The following DNAAF11 variants were observed in gnomAD, a reference collection of about 807,000 sequenced individuals.
DNAAF11 encodes the protein dynein axonemal assembly factor 11.
Under a neutral mutation model 60.8 loss-of-function variants are expected in DNAAF11, and 45 were observed. That is an observed-to-expected ratio of 0.74 (90% CI 0.58 to 0.95). DNAAF11 has a LOEUF of 0.95. DNAAF11 is among the 40% of genes least tolerant of loss of function. The pLI is 0.00. For missense variants in DNAAF11, 546 were observed against 546.2 expected (o/e 1.00, Z 0.00); for synonymous variants, 191 against 183.5 (o/e 1.04, Z -0.33).
the DNAAF11 span, among the ~76,000 whole-genome samples, chr8:132,683,246 A>C: frequency 1.3e-5 from 2 of 152,214 alleles, no homozygotes; most frequent in Non-Finnish European, 2.9e-5. Context: ...CAATCTAATC[A>C]ATGACTTGTC....
intron 1 of DNAAF11, 39 bp from the exon 2 acceptor site, chr8:132,661,666 A>G (rs1283895373): frequency 5.7e-6 from 9 of 1,570,556 alleles, no homozygotes; most frequent in Non-Finnish European, 7.9e-6. Flanking sequence ...TTCTGTCCCC[A>G]TTGTTCAATA....
Position 132,675,526 on chromosome 8 carries a change from G to C in DNAAF11, c.-33C>G. 6.4e-7 allele frequency: 1 copy of C among 1,551,746 alleles called. No individual in the cohort carries two copies. Among genetic ancestry groups the C allele is most frequent in the Non-Finnish European group, 8.7e-7 (1 of 1,143,908 alleles). On this transcript the variant is annotated 5_prime_UTR_variant, in exon 1 of 12. Transcript: ENST00000620350. ...CTCCAGTTCGCTGACCCCGCAAGCCGGACCCGGACCTCGAATGACGCTTTT... is the reference window on the plus strand; with the variant it reads ...CTCCAGTTCGCTGACCCCGCAAGCCCGACCCGGACCTCGAATGACGCTTTT...
chr8:132,668,971 C>T (rs1466776751), intron 1 of DNAAF11, among the ~76,000 whole-genome samples: 1 of 152,264 alleles, frequency 6.6e-6, no homozygotes, highest in Non-Finnish European at 1.5e-5. Flanking sequence ...CTTTCCTTTC[C>T]TGGGAAAGTC....
intron 3 of DNAAF11, among the ~76,000 whole-genome samples, chr8:132,654,318 C>T (rs1823320769): frequency 1.3e-5 from 2 of 151,842 alleles, no homozygotes; most frequent in South Asian, 4.1e-4. Flanking sequence ...GACAATTCAA[C>T]AATAATACTT....
chr8:132,631,797 T>C (rs1359567375), intron 5 of DNAAF11, among the ~76,000 whole-genome samples: 1 of 151,808 alleles, frequency 6.6e-6, no homozygotes, highest in Non-Finnish European at 1.5e-5. Context: ...TTCTCACTCA[T>C]AGGTGGGAAT....
intron 10 of DNAAF11, among the ~76,000 whole-genome samples, chr8:132,588,965 T>C (rs547772320): frequency 1.3e-5 from 2 of 152,246 alleles, no homozygotes; most frequent in Non-Finnish European, 2.9e-5. Context: ...GGGATGCTGC[T>C]AAACCATTAG....
At chr8:132,672,073 G>T (rs1288538660) in intron 1 of DNAAF11, among the ~76,000 whole-genome samples, 1 of 152,134 alleles carries the variant, frequency 6.6e-6, no homozygotes, top group Non-Finnish European at 1.5e-5. Context: ...CATAGGTGGG[G>T]AGAAAATACT....
chr8:132,604,481 A>G (rs1051172680), intron 10 of DNAAF11, among the ~76,000 whole-genome samples: 2 of 152,174 alleles, frequency 1.3e-5, no homozygotes, highest in African/African-American at 4.8e-5. Context: ...GAAACACCCA[A>G]AGGAAATCAT....
intron 10 of DNAAF11, among the ~76,000 whole-genome samples, chr8:132,592,451 C>T (rs1440436152): frequency 6.6e-6 from 1 of 152,104 alleles, no homozygotes; most frequent in South Asian, 2.1e-4. Context: ...GTGAGTTGTT[C>T]TATATTCCTA....
At chr8:132,633,051 A>G (rs1820965198) in intron 4 of DNAAF11, 88 bp from the exon 5 acceptor site, 9 of 738,468 alleles carry the variant, frequency 1.2e-5, no homozygotes, top group Non-Finnish European at 1.6e-5. Flanking sequence ...AAATAATAAT[A>G]TACCCGATAG....
At chr8:132,602,473 A>G (rs1488264496) in intron 10 of DNAAF11, among the ~76,000 whole-genome samples, 2 of 152,122 alleles carry the variant, frequency 1.3e-5, no homozygotes, top group East Asian at 1.9e-4. Flanking sequence ...CTTCCCTTCC[A>G]GCATTCCCAT....
At chr8:132,692,203 G>T in the DNAAF11 span, among the ~76,000 whole-genome samples, 2 of 151,996 alleles carry the variant, frequency 1.3e-5, no homozygotes, top group African/African-American at 2.4e-5. Context: ...AACTGGGGTG[G>T]GGGGTAGAGA....
intron 3 of DNAAF11, among the ~76,000 whole-genome samples, chr8:132,640,505 A>G (rs1821748246): frequency 6.6e-6 from 1 of 152,052 alleles, no homozygotes; most frequent in Admixed American, 6.6e-5. Flanking sequence ...CCATTCCTCA[A>G]CACAGCTTCT....
chr8:132,678,749 A>G (rs1297817444), upstream of DNAAF11, among the ~76,000 whole-genome samples: 1 of 150,234 alleles, frequency 6.7e-6, no homozygotes, highest in Non-Finnish European at 1.5e-5. Context: ...AAATTTTTAT[A>G]TAAAAATAAA....
chr8:132,605,980 T>C (rs988135165), intron 10 of DNAAF11, among the ~76,000 whole-genome samples: 2 of 152,250 alleles, frequency 1.3e-5, no homozygotes, highest in Non-Finnish European at 1.5e-5. Context: ...GACTCTGCCT[T>C]TAACTCTGAA....
chr8:132,592,555 T>G (rs1406624977), intron 10 of DNAAF11, among the ~76,000 whole-genome samples: 7 of 152,114 alleles, frequency 4.6e-5, no homozygotes, highest in African/African-American at 1.7e-4. Context: ...GTTTTAGCAA[T>G]TAGGACTTTA....
intron 5 of DNAAF11, among the ~76,000 whole-genome samples, chr8:132,626,371 CTG>C (rs1397273950): frequency 1.3e-5 from 2 of 152,088 alleles, no homozygotes; most frequent in Non-Finnish European, 2.9e-5. Flanking sequence ...ATATTATGGC[CTG>C]TGTCTAGTTT....
chr8:132,673,543 G>A (rs774067937), intron 1 of DNAAF11, among the ~76,000 whole-genome samples: 11 of 151,994 alleles, frequency 7.2e-5, no homozygotes, highest in East Asian at 1.9e-4. Context: ...CTGTATGAGC[G>A]GATCCCTGCC....
chr8:132,668,387 G>A (rs978798790), intron 1 of DNAAF11, among the ~76,000 whole-genome samples: 2 of 152,196 alleles, frequency 1.3e-5, no homozygotes, highest in African/African-American at 4.8e-5. Flanking sequence ...ACAGGAGACA[G>A]TGATCGGTGC....
Sources: allele counts gnomAD v4.1 joint callset (sites outside exome capture counted in the v4.1 genomes callset), GRCh38; gene constraint gnomAD v4.1.1; transcripts MANE v1.5; gene names NCBI Gene and HGNC (gene_info 2026-07-23, HGNC 2026-07-21).